Variants in KCNK10 observed in about 807,000 individuals in gnomAD.
KCNK10 encodes potassium two pore domain channel subfamily K member 10.
A neutral mutation model predicts 47.7 loss-of-function variants in KCNK10; 25 were observed. The ratio of observed to expected loss-of-function variants is 0.52; its 90% CI spans 0.38 to 0.73. The LOEUF is 0.73. Among genes scored for constraint, KCNK10 ranks in the 30% least tolerant of loss-of-function variants. KCNK10 has a pLI of 0.00. For synonymous variants in KCNK10, 303 were observed against 285.6 expected, an observed-to-expected ratio of 1.06 and a Z score of -0.61; for missense variants, 563 against 714.5, an observed-to-expected ratio of 0.79 and a Z score of 2.42.
intron 6 of KCNK10, among the ~76,000 whole-genome samples, chr14:88,187,501 C>G (rs1884604278): frequency 6.6e-6 from 1 of 152,004 alleles, no homozygotes; most frequent in African/African-American, 2.4e-5. Flanking sequence ...GAAAGAGGCC[C>G]ATTGGGCTCA....
At chr14:88,187,236 G>T (rs1884595017) in intron 6 of KCNK10, among the ~76,000 whole-genome samples, 1 of 152,060 alleles carries the variant, frequency 6.6e-6, no homozygotes, top group South Asian at 2.1e-4. Context: ...GCAAACAGAG[G>T]CTGGCCCTCT....
rs555467052 is a variant in KCNK10, at chr14:88,303,385, C to G, written c.52+19362G>C. On this transcript the variant is annotated intron_variant, in intron 1 of 6. Transcript: ENST00000319231. ...GTGATGCAATGTCCATAAGTGGCCTCCAAAGGAGCAGCCCCCATAAAGTGG... is the reference window on the plus strand; with the variant it reads ...GTGATGCAATGTCCATAAGTGGCCTGCAAAGGAGCAGCCCCCATAAAGTGG... Among the ~76,000 whole-genome samples the G allele has an allele frequency of 2.0e-5, 3 of 152,214 alleles. No individual in the cohort carries two copies. In the South Asian group the frequency reaches 6.2e-4, roughly 32 times the overall value.
intron 1 of KCNK10, among the ~76,000 whole-genome samples, chr14:88,310,691 C>T (rs1326308418): frequency 6.6e-6 from 1 of 152,140 alleles, no homozygotes; most frequent in Non-Finnish European, 1.5e-5. Context: ...TTAATTCAGG[C>T]TTTTGGGAGG....
At position 88,222,774 on chromosome 14, in the gene KCNK10, G is replaced by A. The variant is rs370073077; in HGVS notation, c.681+4601C>T. Among the ~76,000 whole-genome samples, 30 of 152,288 alleles carry A rather than the reference G, an allele frequency of 2.0e-4. 1 individual carries two copies. The highest frequency in any genetic ancestry group is 6.7e-4 in the African/African-American group (28 of 41,560). The stretch of plus-strand genomic sequence containing the variant: ...TCCTGATATGAGGTTGGGTGAAAAC[G>A]TGCTATTTGGTCATGAAGCAGCCAT... On this transcript the variant is annotated intron_variant, in intron 4 of 6. Coordinates refer to ENST00000319231, the MANE Select transcript of KCNK10 (RefSeq NM_138317.3).
upstream of KCNK10, among the ~76,000 whole-genome samples, chr14:88,326,087 C>T (rs571574069): frequency 2.1e-4 from 32 of 148,838 alleles, no homozygotes; most frequent in Admixed American, 2.0e-3. Flanking sequence ...GATGCCGCCC[C>T]CTCCTTTCTT....
At chr14:88,325,738 CA>C (rs1299668095), upstream of KCNK10, among the ~76,000 whole-genome samples, 3 of 152,182 alleles carry the variant, frequency 2.0e-5, no homozygotes, top group Admixed American at 1.3e-4. Flanking sequence ...CTGGGGTCTG[CA>C]TTGGGGAATT....
intron 3 of KCNK10, chr14:88,235,303 GT>G (rs752762529): frequency 8.8e-5 from 40 of 453,738 alleles, no homozygotes; most frequent in South Asian, 2.6e-4. Context: ...TTAAAAAGAA[GT>G]TGACCCAGCA....
At position 88,188,042 on chromosome 14, in the gene KCNK10, G is replaced by C. The variant is rs1884629433; in HGVS notation, c.936C>G (p.Gly312=). 6.2e-7 allele frequency: 1 copy of C among 1,613,996 alleles called. No homozygotes were observed. Among genetic ancestry groups the C allele is most frequent in the Non-Finnish European group, 8.5e-7 (1 of 1,180,004 alleles). ...TGAGGACAGCTGCAAAGTAGGCAAGGCCAACAAGGATCCAAAACCACACTA... is the reference window on the plus strand; with the variant it reads ...TGAGGACAGCTGCAAAGTAGGCAAGCCCAACAAGGATCCAAAACCACACTA... The part of the protein sequence containing the change: ...KPLVWFWILV[G]LAYFAAVLSM... The change falls in exon 6 of 7, where the codon GGC becomes GGG. Residue 312 remains glycine, a synonymous_variant. Transcript: ENST00000319231.
At chr14:88,305,180 T>A (rs370830464) in intron 1 of KCNK10, among the ~76,000 whole-genome samples, 2 of 151,134 alleles carry the variant, frequency 1.3e-5, no homozygotes, top group South Asian at 4.2e-4. Flanking sequence ...ACCTGGGTGA[T>A]AGAACAAGAC....
At chr14:88,198,900 A>ATTTTATTTTATTTTATTTTATTTTT in intron 4 of KCNK10, among the ~76,000 whole-genome samples, 1 of 144,716 alleles carries the variant, frequency 6.9e-6, no homozygotes, top group Non-Finnish European at 1.5e-5. Flanking sequence ...GTCTTATTTT[A>ATTTTATTTTATTTTATTTTATTTTT]TTTTATTTTA....
At chr14:88,289,756 A>G (rs1471601329) in intron 1 of KCNK10, among the ~76,000 whole-genome samples, 2 of 152,218 alleles carry the variant, frequency 1.3e-5, no homozygotes, top group Non-Finnish European at 2.9e-5. Context: ...TCTAAGCCTC[A>G]GTGTTCTTAT....
At chr14:88,187,026 C>A (rs1220204659) in intron 6 of KCNK10, among the ~76,000 whole-genome samples, 1 of 152,222 alleles carries the variant, frequency 6.6e-6, no homozygotes, top group African/African-American at 2.4e-5. Flanking sequence ...AGTCAATATT[C>A]ATGTTGTTCC....
chr14:88,235,325 ACTTCC>A, intron 3 of KCNK10: 3 of 434,814 alleles, frequency 6.9e-6, no homozygotes, highest in Admixed American at 2.6e-5. Context: ...TAAATATAAA[ACTTCC>A]ATAAGAAAAA....
chr14:88,325,807 C>G (rs1888648798), upstream of KCNK10, among the ~76,000 whole-genome samples: 1 of 152,192 alleles, frequency 6.6e-6, no homozygotes, highest in Non-Finnish European at 1.5e-5. Context: ...GATGCAACAT[C>G]ATTCGGCCAA....
Position 88,322,869 on chromosome 14 carries a change from C to T in KCNK10, c.-71G>A. The T allele has an allele frequency of 1.9e-6, 3 of 1,611,288 alleles. No individual in the cohort carries two copies. The highest frequency in any genetic ancestry group is 1.1e-5 in the South Asian group (1 of 90,752). On this transcript the variant is annotated 5_prime_UTR_variant, in exon 1 of 7. Coordinates refer to ENST00000319231, the MANE Select transcript of KCNK10 (RefSeq NM_138317.3). The surrounding 1 kb of genome is among the most constrained non-coding windows in gnomAD (Gnocchi z 4.8). ...TAATAAAGTCCTCAAGCTTTACACGCCTCGGTTTAGCAGTCCAACAAAACA... is the reference window on the plus strand; with the variant it reads ...TAATAAAGTCCTCAAGCTTTACACGTCTCGGTTTAGCAGTCCAACAAAACA...
At chr14:88,317,981 G>A (rs1888463440) in intron 1 of KCNK10, among the ~76,000 whole-genome samples, 1 of 152,164 alleles carries the variant, frequency 6.6e-6, no homozygotes, top group Non-Finnish European at 1.5e-5. Context: ...ATTGGACACT[G>A]ACCATATCTT....
intron 3 of KCNK10, among the ~76,000 whole-genome samples, chr14:88,239,896 TA>T (rs34014332): frequency 2.1e-3 from 137 of 64,956 alleles, no homozygotes; most frequent in African/African-American, 8.2e-3. Flanking sequence ...TAAAATAAAA[TA>T]AAATAAATAA....
intron 1 of KCNK10, among the ~76,000 whole-genome samples, chr14:88,269,399 A>T (rs1319767998): frequency 6.6e-6 from 1 of 152,208 alleles, no homozygotes; most frequent in Non-Finnish European, 1.5e-5. Context: ...TTAATGGAAG[A>T]ATTAACAAAG....
At chr14:88,255,440 T>C (rs60803054) in intron 2 of KCNK10, among the ~76,000 whole-genome samples, 3,260 of 151,920 alleles carry the variant, frequency 0.021, 103 homozygotes, top group African/African-American at 0.075. Flanking sequence ...AAACCTGTAA[T>C]ATCAGCACTT....
Sources: allele counts gnomAD v4.1 joint callset (sites outside exome capture counted in the v4.1 genomes callset), GRCh38; gene constraint gnomAD v4.1.1; non-coding constraint Gnocchi (gnomAD v3.1); transcripts MANE v1.5; gene names NCBI Gene and HGNC (gene_info 2026-07-23, HGNC 2026-07-21).